Variants in TENM3 observed in about 807,000 individuals in gnomAD.
The protein encoded by TENM3 is teneurin transmembrane protein 3.
TENM3 carries 63 observed loss-of-function variants against 255.1 expected under a neutral mutation model. That is an observed-to-expected ratio of 0.25 (90% CI 0.20 to 0.30). The LOEUF is 0.30. Among genes scored for constraint, TENM3 ranks in the 10% least tolerant of loss-of-function variants. The pLI, the probability that TENM3 is intolerant of heterozygous loss-of-function variation, is 1.00. For synonymous variants in TENM3, 1,306 were observed against 1,322.3 expected (o/e 0.99, Z 0.27); for missense variants, 2,929 against 3,461.1 (o/e 0.85, Z 3.86).
intron 2 of TENM3, among the ~76,000 whole-genome samples, chr4:182,330,834 C>T (rs1288600936): frequency 2.0e-5 from 3 of 152,176 alleles, no homozygotes; most frequent in African/African-American, 7.2e-5. Context: ...CAAGAGAAAC[C>T]TTAACAGAAG....
chr4:182,066,599 A>AAAT, the TENM3 span, among the ~76,000 whole-genome samples: 85 of 137,116 alleles, frequency 6.2e-4, no homozygotes, highest in African/African-American at 2.2e-3. Flanking sequence ...GTAAAAAAAA[A>AAAT]ATATATATAT....
At chr4:182,100,620 TAC>T in the TENM3 span, among the ~76,000 whole-genome samples, 1 of 45,716 alleles carries the variant, frequency 2.2e-5, no homozygotes, top group Non-Finnish European at 4.8e-5. Context: ...CACATATATA[TAC>T]ACACACATAT....
intron 3 of TENM3, among the ~76,000 whole-genome samples, chr4:182,470,377 A>G (rs978801685): frequency 3.3e-5 from 5 of 152,238 alleles, no homozygotes; most frequent in African/African-American, 1.2e-4. Context: ...CCCGTTTAAC[A>G]TATGAATGAT....
At chr4:181,975,025 G>A in the TENM3 span, 1 of 151,948 alleles carries the variant, frequency 6.6e-6, no homozygotes, top group East Asian at 1.9e-4. Context: ...AAGAACATGT[G>A]ATATTTGATC....
In TENM3 at chr4:182,800,393, A is replaced by T. The variant is rs1354946109; in HGVS notation, c.*42A>T. The T allele has an allele frequency of 4.6e-6, 7 of 1,518,912 alleles. No individual in the cohort carries two copies. Among genetic ancestry groups the T allele is most frequent in the South Asian group, 1.2e-5 (1 of 81,678 alleles). 94.1% of individuals were successfully genotyped at this position (1,518,912 alleles called of 1,614,324 possible). A position where few individuals can be genotyped will look rare whatever the true frequency, so the allele number is the denominator to read the frequency against. On this transcript the variant is annotated 3_prime_UTR_variant, in exon 28 of 28. Transcript: ENST00000511685. Reference sequence around the variant, plus strand: ...GCCGAGCCGCTCACGCCCTGCCCACATTGTCCTGTGGCACAACCCGAGTGG... The same window carrying T: ...GCCGAGCCGCTCACGCCCTGCCCACTTTGTCCTGTGGCACAACCCGAGTGG...
chr4:181,974,587 GAATC>G, the TENM3 span, among the ~76,000 whole-genome samples: 1 of 151,842 alleles, frequency 6.6e-6, no homozygotes, highest in Admixed American at 6.6e-5. Flanking sequence ...AACAAAAAAA[GAATC>G]AATGTGGCAC....
chr4:182,738,169 G>A (rs1225824032), intron 17 of TENM3, among the ~76,000 whole-genome samples: 2 of 151,700 alleles, frequency 1.3e-5, no homozygotes, highest in Non-Finnish European at 1.5e-5. Flanking sequence ...GTGGTATGGG[G>A]AAAAAAACAC....
intron 3 of TENM3, among the ~76,000 whole-genome samples, chr4:182,431,271 G>A (rs770310779): frequency 6.6e-6 from 1 of 151,652 alleles, no homozygotes; most frequent in African/African-American, 2.4e-5. Context: ...CGAGACAGGC[G>A]GATTATGAGG....
At chr4:181,885,875 CTTAATA>C in the TENM3 span, among the ~76,000 whole-genome samples, 5 of 152,100 alleles carry the variant, frequency 3.3e-5, no homozygotes, top group Non-Finnish European at 7.4e-5. Context: ...AAAGAATAAA[CTTAATA>C]TTAAAAGCTA....
chr4:181,568,943 G>A, the TENM3 span, among the ~76,000 whole-genome samples: 1 of 152,190 alleles, frequency 6.6e-6, no homozygotes, highest in Non-Finnish European at 1.5e-5. Context: ...GTTCTGTTAC[G>A]TGTGTATCCC....
At chr4:181,619,378 A>C in the TENM3 span, among the ~76,000 whole-genome samples, 1 of 152,218 alleles carries the variant, frequency 6.6e-6, no homozygotes, top group Non-Finnish European at 1.5e-5. Context: ...ACAAAGGAAA[A>C]AAGTTCTTTA....
chr4:182,721,480 TTTAA>T (rs1759727184), intron 13 of TENM3, among the ~76,000 whole-genome samples: 1 of 152,260 alleles, frequency 6.6e-6, no homozygotes, highest in Non-Finnish European at 1.5e-5. Flanking sequence ...CTGACGATAA[TTTAA>T]TTGTTTCTAA....
the TENM3 span, among the ~76,000 whole-genome samples, chr4:181,786,414 C>G: frequency 6.6e-6 from 1 of 152,042 alleles, no homozygotes; most frequent in Non-Finnish European, 1.5e-5. Context: ...ATGGTTGATA[C>G]GTAAATACTC....
At chr4:182,701,713 G>C (rs756519271) in intron 12 of TENM3, among the ~76,000 whole-genome samples, 2 of 152,176 alleles carry the variant, frequency 1.3e-5, no homozygotes, top group Admixed American at 1.3e-4. Flanking sequence ...ATTGTGACCA[G>C]TGTAAGAACA....
intron 11 of TENM3, among the ~76,000 whole-genome samples, chr4:182,685,753 A>T (rs1224567868): frequency 6.6e-6 from 1 of 152,052 alleles, no homozygotes; most frequent in Non-Finnish European, 1.5e-5. Context: ...TGTCATTCAG[A>T]TTTGCTTCCT....
chr4:182,316,231 G>C (rs1762741375), intron 1 of TENM3, among the ~76,000 whole-genome samples: 1 of 152,200 alleles, frequency 6.6e-6, no homozygotes, highest in Non-Finnish European at 1.5e-5. Context: ...CTTGGAAACA[G>C]TTAGATCCTT....
intron 1 of TENM3, among the ~76,000 whole-genome samples, chr4:182,155,773 A>T (rs2149598408): frequency 6.6e-6 from 1 of 152,336 alleles, no homozygotes; most frequent in East Asian, 1.9e-4. Context: ...ACAAGGTTTA[A>T]TACATATCTT....
the TENM3 span, among the ~76,000 whole-genome samples, chr4:181,820,633 A>C: frequency 6.6e-6 from 1 of 152,176 alleles, no homozygotes; most frequent in Non-Finnish European, 1.5e-5. Context: ...GAAAACATGC[A>C]ATCCCATAGC....
the TENM3 span, among the ~76,000 whole-genome samples, chr4:181,852,936 G>T: frequency 1.3e-5 from 2 of 152,146 alleles, no homozygotes; most frequent in Non-Finnish European, 2.9e-5. Context: ...AGTGATAAAC[G>T]TTATGTGTAT....
Sources: allele counts gnomAD v4.1 joint callset (sites outside exome capture counted in the v4.1 genomes callset), GRCh38; gene constraint gnomAD v4.1.1; transcripts MANE v1.5; gene names NCBI Gene and HGNC (gene_info 2026-07-23, HGNC 2026-07-21).